NEBL: variants seen among roughly 807,000 people sequenced by gnomAD.
NEBL encodes nebulette.
NEBL carries 122 observed loss-of-function variants against 140.2 expected under a neutral mutation model. The ratio of observed to expected loss-of-function variants is 0.87; its 90% CI spans 0.75 to 1.01. The LOEUF (loss-of-function observed/expected upper bound fraction) is 1.01. Ranked by LOEUF, NEBL falls within the 50% of genes least tolerant of loss-of-function variation. The pLI, the probability that NEBL is intolerant of heterozygous loss-of-function variation, is 0.00. For missense variants in NEBL, 1,365 were observed against 1,231.3 expected, an observed-to-expected ratio of 1.11 and a Z score of -1.62; for synonymous variants, 436 against 398.9, an observed-to-expected ratio of 1.09 and a Z score of -1.11.
At position 20,886,395 on chromosome 10, in the gene NEBL, G is replaced by A. The variant is rs191987330; in HGVS notation, c.369+1702C>T. On this transcript the variant is annotated intron_variant, in intron 4 of 27. Transcript: ENST00000377122. ...AATACAAAAATTAGCTGGGTGTGGT[G>A]GTGTGCGCCTGTAATGCCAGCTACT... 3.9e-5 allele frequency among the ~76,000 whole-genome samples: 6 copies of A among 152,024 alleles called. No homozygotes were observed. The East Asian group carries it at 1.2e-3, about 29-fold the overall frequency.
chr10:21,082,156 A>G (rs1168233415), intron 2 of NEBL, among the ~76,000 whole-genome samples: 1 of 151,738 alleles, frequency 6.6e-6, no homozygotes, highest in Admixed American at 6.6e-5. Flanking sequence ...CTGGGCTTCA[A>G]AAGAGTCGTG....
intron 4 of NEBL, among the ~76,000 whole-genome samples, chr10:20,910,967 A>G (rs1848306796): frequency 6.6e-6 from 1 of 151,958 alleles, no homozygotes; most frequent in South Asian, 2.1e-4. Context: ...TAGGAGTTCA[A>G]GAACAGCCTG....
intron 9 of NEBL, among the ~76,000 whole-genome samples, chr10:20,854,030 T>A (rs1403095216): frequency 3.9e-5 from 6 of 152,182 alleles, no homozygotes; most frequent in African/African-American, 7.2e-5. Flanking sequence ...TATGTATCAA[T>A]AACAATTATA....
At position 20,781,121 on chromosome 10, in the gene NEBL, A is replaced by T. The variant is rs1835012177; in HGVS notation, c.*4626T>A. 1 of 152,594 alleles carries T rather than the reference A, an allele frequency of 6.6e-6. No homozygotes were observed. The highest frequency in any genetic ancestry group is 2.4e-5 in the African/African-American group (1 of 41,442). 9.5% of individuals were successfully genotyped at this position (152,594 alleles called of 1,614,324 possible). On this transcript the variant is annotated 3_prime_UTR_variant, in exon 28 of 28. Transcript: ENST00000377122. ...TGCTCTAGTCCACCAAGGCTTAAAG[A>T]TTCACAGTGTAGAGGAAAAAAATAT...
At chr10:20,991,749 T>A (rs1160954936) in intron 3 of NEBL, among the ~76,000 whole-genome samples, 1 of 151,666 alleles carries the variant, frequency 6.6e-6, no homozygotes, top group Non-Finnish European at 1.5e-5. Context: ...TTGTCAACCT[T>A]TGCTCCCTCC....
At chr10:20,939,133 C>T (rs555662255) in intron 4 of NEBL, among the ~76,000 whole-genome samples, 8 of 152,152 alleles carry the variant, frequency 5.3e-5, no homozygotes, top group South Asian at 2.1e-4. Context: ...AGACACATAA[C>T]TGTCAGATTC....
chr10:20,845,218 T>C, intron 12 of NEBL, 40 bp downstream of exon 12: 3 of 1,309,570 alleles, frequency 2.3e-6, no homozygotes, highest in Non-Finnish European at 3.3e-6. Context: ...TTTTCTTTAC[T>C]TTTCTTCATA....
At chr10:21,024,329 G>T (rs970949562) in intron 2 of NEBL, among the ~76,000 whole-genome samples, 4 of 152,082 alleles carry the variant, frequency 2.6e-5, no homozygotes, top group Non-Finnish European at 5.9e-5. Context: ...CCAAAATCTT[G>T]ATGTAGGAGA....
At chr10:21,273,022 G>A (rs1029185087) in intron 1 of NEBL, among the ~76,000 whole-genome samples, 3 of 152,116 alleles carry the variant, frequency 2.0e-5, no homozygotes, top group African/African-American at 7.2e-5. Context: ...AAAAATCTAG[G>A]TACAGGAAAG....
chr10:20,814,380 G>A (rs1838489461), intron 22 of NEBL, among the ~76,000 whole-genome samples: 1 of 151,692 alleles, frequency 6.6e-6, no homozygotes, highest in Non-Finnish European at 1.5e-5. Context: ...AGGATGACTT[G>A]AGGCCTGGGA....
chr10:20,913,991 CAT>C (rs1848433448), intron 4 of NEBL, among the ~76,000 whole-genome samples: 1 of 152,146 alleles, frequency 6.6e-6, no homozygotes, highest in Non-Finnish European at 1.5e-5. Context: ...CTATAGCAGA[CAT>C]GTCAATAAAT....
At position 20,859,814 on chromosome 10, in the gene NEBL, C is replaced by A. The variant is rs1179539798; in HGVS notation, c.697G>T (p.Glu233Ter). ...TCCTTCATTTCATTATCAAATTTTTCTTTGTATTTAATCTGTCATAAAAGA... is the reference window on the plus strand; with the variant it reads ...TCCTTCATTTCATTATCAAATTTTTATTTGTATTTAATCTGTCATAAAAGA... ...SKLSSQIKYK[E>*]KFDNEMKDKK... Residue 233 changes from glutamate to a stop codon, truncating the protein, a stop_gained, in exon 8 of 28, where the codon GAA becomes TAA. Coordinates refer to ENST00000377122, the MANE Select transcript of NEBL (RefSeq NM_006393.3). LOFTEE classifies it high-confidence loss of function. The A allele has an allele frequency of 2.0e-6, 3 of 1,505,040 alleles. No individual in the cohort carries two copies. The highest frequency in any genetic ancestry group is 1.7e-5 in the Admixed American group (1 of 58,806). 93.2% of individuals were successfully genotyped at this position (1,505,040 alleles called of 1,614,324 possible). A position where few individuals can be genotyped will look rare whatever the true frequency, so the allele number is the denominator to read the frequency against.
intron 1 of NEBL, among the ~76,000 whole-genome samples, chr10:21,265,439 A>G (rs1842787446): frequency 6.6e-6 from 1 of 152,220 alleles, no homozygotes; most frequent in Non-Finnish European, 1.5e-5. Flanking sequence ...CTCACTGCGT[A>G]TGGTGAGCAC....
At chr10:20,826,747 C>T (rs189619723) in intron 17 of NEBL, among the ~76,000 whole-genome samples, 2 of 152,226 alleles carry the variant, frequency 1.3e-5, no homozygotes, top group Non-Finnish European at 2.9e-5. Flanking sequence ...CACAAATAAC[C>T]CTCTCCTGCT....
intron 2 of NEBL, among the ~76,000 whole-genome samples, chr10:21,028,073 A>T (rs1353300753): frequency 6.6e-6 from 1 of 151,682 alleles, no homozygotes; most frequent in Non-Finnish European, 1.5e-5. Context: ...CTAAAAATAC[A>T]AAAATTAGCC....
intron 14 of NEBL, 135 bp downstream of exon 14, chr10:20,835,378 C>T (rs1013448141): frequency 3.2e-5 from 25 of 780,400 alleles, no homozygotes; most frequent in Middle Eastern, 2.2e-4. Flanking sequence ...CATAATGCTT[C>T]GGAATAGTCT....
At chr10:21,036,498 G>C (rs1043983921) in intron 2 of NEBL, among the ~76,000 whole-genome samples, 10 of 152,064 alleles carry the variant, frequency 6.6e-5, no homozygotes, top group Admixed American at 6.6e-5. Flanking sequence ...ATTGACAGTA[G>C]AAAGGAAAGA....
At chr10:21,201,002 G>T (rs1841726459) in intron 3 of NEBL, among the ~76,000 whole-genome samples, 1 of 151,834 alleles carries the variant, frequency 6.6e-6, no homozygotes, top group African/African-American at 2.4e-5. Context: ...GATTGCTTGA[G>T]CCCAGGAGAT....
intron 7 of NEBL, among the ~76,000 whole-genome samples, chr10:20,866,696 C>T (rs1239856753): frequency 1.3e-5 from 2 of 152,248 alleles, no homozygotes; most frequent in East Asian, 3.9e-4. Flanking sequence ...ACACATGAAC[C>T]TTCTAAGGAC....
Sources: allele counts gnomAD v4.1 joint callset (sites outside exome capture counted in the v4.1 genomes callset), GRCh38; gene constraint gnomAD v4.1.1; transcripts MANE v1.5; gene names NCBI Gene and HGNC (gene_info 2026-07-23, HGNC 2026-07-21).